Variants in ZFHX3 observed in about 807,000 individuals in gnomAD.
The protein encoded by ZFHX3 is zinc finger homeobox protein 3.
ZFHX3 carries 42 observed loss-of-function variants against 279.1 expected under a neutral mutation model. The observed-to-expected ratio is 0.15, with a 90% CI of 0.12 to 0.19. ZFHX3 has a LOEUF of 0.19. Among genes scored for constraint, ZFHX3 ranks in the 10% least tolerant of loss-of-function variants. The pLI, the probability that ZFHX3 is intolerant of heterozygous loss-of-function variation, is 1.00. For missense variants in ZFHX3, 4,981 were observed against 4,754.0 expected, an observed-to-expected ratio of 1.05 and a Z score of -1.40; for synonymous variants, 2,293 against 1,957.8, an observed-to-expected ratio of 1.17 and a Z score of -4.52.
In ZFHX3 at chr16:72,957,840, G is replaced by A. The variant is rs775561915; in HGVS notation, c.2306C>T (p.Thr769Ile). ...NGGGEQVFSHTAGAAAAAVAA... is the reference protein window; with the variant it reads ...NGGGEQVFSHIAGAAAAAVAA... ...CACCGCCGCCGCCGCCGCCCCGGCA[G>A]TGTGGCTGAAGACCTGCTCCCCCCC... The change falls in exon 2 of 10, where the codon ACT (threonine) becomes ATT (isoleucine). Residue 769 changes from threonine to isoleucine, a missense_variant. By Grantham distance (89) the Thr-to-Ile change is moderately conservative (BLOSUM62 -1). Transcript: ENST00000268489. 3 of 1,613,266 alleles carry A rather than the reference G, an allele frequency of 1.9e-6. No homozygotes were observed. The highest frequency in any genetic ancestry group is 1.3e-5 in the African/African-American group (1 of 75,040).
intron 2 of ZFHX3, among the ~76,000 whole-genome samples, chr16:73,648,741 AT>A: frequency 6.6e-6 from 1 of 152,054 alleles, no homozygotes; most frequent in Admixed American, 6.6e-5. Flanking sequence ...TAATATTATA[AT>A]TTGCTTTGCC....
At chr16:73,797,054 T>A (rs1302456933) in intron 1 of ZFHX3, among the ~76,000 whole-genome samples, 1 of 150,762 alleles carries the variant, frequency 6.6e-6, no homozygotes, top group East Asian at 1.9e-4. Context: ...AAAAAAAAAA[T>A]TAGCCAGGCA....
chr16:73,783,707 T>C (rs939729224), intron 1 of ZFHX3, among the ~76,000 whole-genome samples: 3 of 152,224 alleles, frequency 2.0e-5, no homozygotes, highest in Admixed American at 2.0e-4. Flanking sequence ...CCAGTCACAG[T>C]GGTAAGGACT....
intron 5 of ZFHX3, among the ~76,000 whole-genome samples, chr16:73,200,150 G>T (rs1968239554): frequency 6.6e-6 from 1 of 152,004 alleles, no homozygotes; most frequent in Non-Finnish European, 1.5e-5. Context: ...TTATGAAGAA[G>T]AATAAAAACT....
intron 6 of ZFHX3, among the ~76,000 whole-genome samples, chr16:73,137,735 T>C (rs964252757): frequency 1.3e-5 from 2 of 152,124 alleles, no homozygotes; most frequent in Admixed American, 1.3e-4. Context: ...AGAAAATCTG[T>C]ATGAAGGAAG....
chr16:72,808,463 G>T (rs569409039), intron 7 of ZFHX3, among the ~76,000 whole-genome samples: 4 of 152,162 alleles, frequency 2.6e-5, no homozygotes, highest in Non-Finnish European at 5.9e-5. Context: ...TCCATGCAAA[G>T]AGAAAACTCA....
chr16:73,888,475 C>T (rs561832399), intron 1 of ZFHX3, among the ~76,000 whole-genome samples: 1 of 152,134 alleles, frequency 6.6e-6, no homozygotes, highest in Non-Finnish European at 1.5e-5. Context: ...CACATTTCTT[C>T]TAGATTTCAA....
At chr16:73,714,982 C>T (rs1310046712) in intron 1 of ZFHX3, among the ~76,000 whole-genome samples, 1 of 152,180 alleles carries the variant, frequency 6.6e-6, no homozygotes, top group Non-Finnish European at 1.5e-5. Flanking sequence ...CTCTGAGAAT[C>T]GTTCATTGCC....
chr16:72,929,870 C>T (rs1959692284), intron 3 of ZFHX3, among the ~76,000 whole-genome samples: 2 of 152,216 alleles, frequency 1.3e-5, no homozygotes, highest in South Asian at 2.1e-4. Context: ...ATGTGCTGGG[C>T]TCCCAGCCCC....
chr16:73,840,905 G>A (rs1250058416), intron 1 of ZFHX3, among the ~76,000 whole-genome samples: 1 of 152,158 alleles, frequency 6.6e-6, no homozygotes, highest in Non-Finnish European at 1.5e-5. Flanking sequence ...GTAGGTAAAG[G>A]AAACTGCTCC....
At chr16:72,886,652 C>A (rs191212861) in intron 4 of ZFHX3, among the ~76,000 whole-genome samples, 1 of 152,068 alleles carries the variant, frequency 6.6e-6, no homozygotes, top group African/African-American at 2.4e-5. Context: ...GTATGCAGAG[C>A]TGGCCAAAAA....
chr16:73,320,165 G>T (rs942310719), intron 3 of ZFHX3, among the ~76,000 whole-genome samples: 2 of 152,182 alleles, frequency 1.3e-5, no homozygotes, highest in African/African-American at 4.8e-5. Context: ...TCAGTCGAGG[G>T]CCTGGGATTC....
At chr16:73,207,576 G>C (rs977669667) in intron 5 of ZFHX3, among the ~76,000 whole-genome samples, 2 of 152,154 alleles carry the variant, frequency 1.3e-5, no homozygotes, top group Non-Finnish European at 2.9e-5. Context: ...ATTAAGGTTT[G>C]ACTCCAGCAC....
intron 5 of ZFHX3, among the ~76,000 whole-genome samples, chr16:73,221,057 T>C (rs1294982269): frequency 1.3e-5 from 2 of 152,132 alleles, no homozygotes; most frequent in South Asian, 4.1e-4. Context: ...CATTGCGCCA[T>C]GGAATTCATT....
chr16:73,494,649 C>T (rs1246518587), intron 2 of ZFHX3, among the ~76,000 whole-genome samples: 2 of 150,870 alleles, frequency 1.3e-5, no homozygotes, highest in Admixed American at 1.3e-4. Flanking sequence ...CAACCTCCGC[C>T]CACGGGTTCA....
At chr16:73,717,608 C>G (rs1021622786) in intron 1 of ZFHX3, among the ~76,000 whole-genome samples, 8 of 152,222 alleles carry the variant, frequency 5.3e-5, no homozygotes, top group Non-Finnish European at 1.2e-4. Context: ...CCTTGGTGAG[C>G]TCTTCAAGCA....
chr16:73,237,663 T>C (rs1469226916), intron 5 of ZFHX3, among the ~76,000 whole-genome samples: 1 of 151,016 alleles, frequency 6.6e-6, no homozygotes, highest in Non-Finnish European at 1.5e-5. Flanking sequence ...TGAGCCACTA[T>C]GCCCACCCGC....
chr16:73,868,417 G>T (rs191751077), intron 1 of ZFHX3, among the ~76,000 whole-genome samples: 1 of 152,210 alleles, frequency 6.6e-6, no homozygotes, highest in East Asian at 1.9e-4. Context: ...CCAGCTACTC[G>T]GGAGGCCGAG....
At chr16:73,642,328 C>G (rs1216385401) in intron 2 of ZFHX3, among the ~76,000 whole-genome samples, 1 of 152,188 alleles carries the variant, frequency 6.6e-6, no homozygotes, top group African/African-American at 2.4e-5. Context: ...TCCTCCCTTC[C>G]CACCTTCAGG....
Sources: gnomAD v4.1 joint callset for allele counts (sites outside exome capture counted in the v4.1 genomes callset) on GRCh38, gnomAD v4.1.1 for gene constraint, MANE v1.5 for transcripts, NCBI Gene and HGNC (gene_info 2026-07-23, HGNC 2026-07-21) for gene names.